The following CNTNAP5 variants were observed in gnomAD, a reference collection of about 807,000 sequenced individuals.
CNTNAP5 encodes contactin-associated protein-like 5.
CNTNAP5 carries 72 observed loss-of-function variants against 150.2 expected under a neutral mutation model. The ratio of observed to expected loss-of-function variants is 0.48; its 90% CI spans 0.40 to 0.58. The LOEUF (loss-of-function observed/expected upper bound fraction) is 0.58, where lower values mean the gene tolerates loss of function less well. Among genes scored for constraint, CNTNAP5 ranks in the 20% least tolerant of loss-of-function variants. CNTNAP5 has a pLI of 0.00. For missense variants in CNTNAP5, 1,636 were observed against 1,626.2 expected, an observed-to-expected ratio of 1.01 and a Z score of -0.10; for synonymous variants, 672 against 619.8, an observed-to-expected ratio of 1.08 and a Z score of -1.25.
intron 1 of CNTNAP5, among the ~76,000 whole-genome samples, chr2:124,151,755 C>T (rs1461506540): frequency 6.6e-6 from 1 of 152,188 alleles, no homozygotes; most frequent in Non-Finnish European, 1.5e-5. Flanking sequence ...TAGATAATCC[C>T]TGTTTATCCT....
At chr2:124,481,666 T>A (rs1400110762) in intron 7 of CNTNAP5, among the ~76,000 whole-genome samples, 1 of 152,182 alleles carries the variant, frequency 6.6e-6, no homozygotes, top group Admixed American at 6.5e-5. Flanking sequence ...TTTACCTTTT[T>A]AAAGTATTTT....
rs896707150 is a variant in CNTNAP5 at position 124,915,131 on chromosome 2, G to A, written c.*843G>A. ...GGTATTCCTGGGATTATTATACTGA[G>A]ATATATATATATACACACACACACA... On this transcript the variant is annotated 3_prime_UTR_variant, in exon 24 of 24. Coordinates refer to ENST00000682447, the MANE Select transcript of CNTNAP5 (RefSeq NM_001367498.1). 6.1e-6 allele frequency: 1 copy of A among 163,226 alleles called. No homozygotes were observed. The highest frequency in any genetic ancestry group is 1.5e-5 in the Non-Finnish European group (1 of 67,498). The allele number at this position is 163,226 out of a possible 1,614,324, so 10.1% of individuals were successfully genotyped here.
intron 11 of CNTNAP5, among the ~76,000 whole-genome samples, chr2:124,594,545 T>C (rs1369904238): frequency 6.8e-6 from 1 of 146,946 alleles, no homozygotes; most frequent in Non-Finnish European, 1.5e-5. Flanking sequence ...TGTAGCCTTG[T>C]AGTATAGTTT....
intron 3 of CNTNAP5, among the ~76,000 whole-genome samples, chr2:124,268,463 G>A (rs919626776): frequency 3.3e-5 from 5 of 152,170 alleles, no homozygotes; most frequent in Middle Eastern, 3.2e-3. Context: ...CTACAGTGAT[G>A]TAGTGCTCTT....
chr2:124,206,423 A>C (rs1352908670), intron 1 of CNTNAP5, among the ~76,000 whole-genome samples: 2 of 152,226 alleles, frequency 1.3e-5, no homozygotes. Flanking sequence ...AACCCTTGTC[A>C]ACATAATGCG....
intron 13 of CNTNAP5, among the ~76,000 whole-genome samples, chr2:124,731,461 T>G (rs2105127522): frequency 6.6e-6 from 1 of 151,984 alleles, no homozygotes; most frequent in Non-Finnish European, 1.5e-5. Flanking sequence ...GCTAAGGCGT[T>G]TAAAAAGGTT....
chr2:124,123,682 C>G (rs1403873107), intron 1 of CNTNAP5, among the ~76,000 whole-genome samples: 1 of 152,152 alleles, frequency 6.6e-6, no homozygotes, highest in Non-Finnish European at 1.5e-5. Context: ...CCTCATATGG[C>G]CAGGTGCCCC....
At chr2:124,227,033 A>T (rs1686476864) in intron 2 of CNTNAP5, among the ~76,000 whole-genome samples, 1 of 152,130 alleles carries the variant, frequency 6.6e-6, no homozygotes, top group African/African-American at 2.4e-5. Context: ...GCACCTCTCA[A>T]TACTGCCACA....
At chr2:124,255,626 AG>A (rs1271749580) in intron 3 of CNTNAP5, among the ~76,000 whole-genome samples, 1 of 152,026 alleles carries the variant, frequency 6.6e-6, no homozygotes, top group African/African-American at 2.4e-5. Flanking sequence ...AATGGGAATA[AG>A]GGATCAAGAA....
intron 13 of CNTNAP5, among the ~76,000 whole-genome samples, chr2:124,738,174 C>G (rs1680426547): frequency 6.6e-6 from 1 of 152,160 alleles, no homozygotes; most frequent in African/African-American, 2.4e-5. Context: ...CACTAAATCT[C>G]TGAGGCTTAA....
chr2:124,804,862 A>C (rs1682048414), intron 19 of CNTNAP5, among the ~76,000 whole-genome samples: 1 of 152,368 alleles, frequency 6.6e-6, no homozygotes, highest in South Asian at 2.1e-4. Flanking sequence ...TATGCTGTGT[A>C]GATTGTAAAC....
At chr2:124,266,075 C>G (rs932824386) in intron 3 of CNTNAP5, among the ~76,000 whole-genome samples, 2 of 152,104 alleles carry the variant, frequency 1.3e-5, no homozygotes, top group African/African-American at 4.8e-5. Flanking sequence ...CTTGCCAAAG[C>G]TTAGTCTCCT....
intron 12 of CNTNAP5, among the ~76,000 whole-genome samples, chr2:124,626,977 T>C (rs1415978633): frequency 1.3e-5 from 2 of 152,304 alleles, no homozygotes; most frequent in East Asian, 3.9e-4. Context: ...AAAGGAGCTG[T>C]GGCAGATCAT....
intron 12 of CNTNAP5, among the ~76,000 whole-genome samples, chr2:124,641,003 G>T (rs1169261805): frequency 6.6e-6 from 1 of 151,710 alleles, no homozygotes; most frequent in Non-Finnish European, 1.5e-5. Flanking sequence ...GCGCATGACT[G>T]TAATCCCAGC....
intron 13 of CNTNAP5, among the ~76,000 whole-genome samples, chr2:124,682,603 C>T (rs1465946501): frequency 6.6e-6 from 1 of 152,070 alleles, no homozygotes; most frequent in Non-Finnish European, 1.5e-5. Context: ...CACATCTTCC[C>T]GAGGCTCAGT....
intron 19 of CNTNAP5, among the ~76,000 whole-genome samples, chr2:124,861,103 T>C (rs1677514885): frequency 6.6e-6 from 1 of 151,720 alleles, no homozygotes; most frequent in South Asian, 2.1e-4. Context: ...GGAATACCTG[T>C]GCTAAGCCAA....
At chr2:124,828,020 T>A (rs938742247) in intron 19 of CNTNAP5, among the ~76,000 whole-genome samples, 1 of 152,188 alleles carries the variant, frequency 6.6e-6, no homozygotes, top group Non-Finnish European at 1.5e-5. Context: ...TGCTCCCACT[T>A]GCACCCAGTG....
intron 3 of CNTNAP5, among the ~76,000 whole-genome samples, chr2:124,401,894 C>T (rs2104759264): frequency 6.6e-6 from 1 of 152,296 alleles, no homozygotes; most frequent in Admixed American, 6.5e-5. Flanking sequence ...ACTCTGACAA[C>T]ACTGGAGTCT....
chr2:124,766,340 C>T (rs1351200733), intron 16 of CNTNAP5, among the ~76,000 whole-genome samples: 1 of 151,382 alleles, frequency 6.6e-6, no homozygotes, highest in African/African-American at 2.4e-5. Flanking sequence ...ATGAAATACC[C>T]TTGAAAGCAT....
Sources: allele counts gnomAD v4.1 joint callset (sites outside exome capture counted in the v4.1 genomes callset), GRCh38; gene constraint gnomAD v4.1.1; transcripts MANE v1.5; gene names NCBI Gene and HGNC (gene_info 2026-07-23, HGNC 2026-07-21).